Variants in RNF115 observed in about 807,000 individuals in gnomAD.
The protein encoded by RNF115 is ring finger protein 115.
Under a neutral mutation model 39.2 loss-of-function variants are expected in RNF115, and 31 were observed. That is an observed-to-expected ratio of 0.79 (90% CI 0.59 to 1.07). The LOEUF is 1.07. Ranked by LOEUF, RNF115 falls within the 50% of genes least tolerant of loss-of-function variation. RNF115 has a pLI of 0.00. For synonymous variants in RNF115, 124 were observed against 131.0 expected, an observed-to-expected ratio of 0.95 and a Z score of 0.37; for missense variants, 384 against 381.7, an observed-to-expected ratio of 1.01 and a Z score of -0.05.
At chr1:145,766,968 C>T (rs1162183647) in intron 4 of RNF115, among the ~76,000 whole-genome samples, 2 of 136,656 alleles carry the variant, frequency 1.5e-5, no homozygotes, top group Non-Finnish European at 3.1e-5. Context: ...CCCTCCCGGT[C>T]GGGGTGGCTG....
chr1:145,776,614 G>C, intron 3 of RNF115, among the ~76,000 whole-genome samples: 1 of 152,006 alleles, frequency 6.6e-6, no homozygotes, highest in Non-Finnish European at 1.5e-5. Flanking sequence ...TGAGGCGGGT[G>C]GATCACCTGA....
chr1:145,800,330 C>T (rs190587945), intron 1 of RNF115, among the ~76,000 whole-genome samples: 9 of 152,160 alleles, frequency 5.9e-5, no homozygotes, highest in Admixed American at 5.9e-4. Flanking sequence ...ATTTTACAAA[C>T]AAGAAAATGA....
intron 1 of RNF115, among the ~76,000 whole-genome samples, chr1:145,797,775 T>C (rs1649048030): frequency 6.6e-6 from 1 of 152,194 alleles, no homozygotes; most frequent in South Asian, 2.1e-4. Flanking sequence ...ACAAGAATAG[T>C]TCCAATTTCT....
chr1:145,750,355 G>T, intron 7 of RNF115, 52 bp downstream of exon 7: 4 of 1,390,428 alleles, frequency 2.9e-6, no homozygotes, highest in Admixed American at 3.5e-5. Flanking sequence ...AAGATACCGG[G>T]ATTTTGAACC....
Position 145,747,991 on chromosome 1 carries a change from T to C in RNF115, c.783+4A>G, listed in dbSNP as rs1442716245. 7.5e-6 allele frequency: 12 copies of C among 1,596,768 alleles called. No homozygotes were observed. Among genetic ancestry groups the C allele is most frequent in the Non-Finnish European group, 1.0e-5 (12 of 1,164,372 alleles). ...CCAAAGAAGCCATGACTTGCTGTAC[T>C]CACCAGTTCTAGCCACGGCACAATA... On this transcript the variant is annotated splice_donor_region_variant and intron_variant, in intron 8 of 8. Coordinates refer to ENST00000582693, the MANE Select transcript of RNF115 (RefSeq NM_014455.4).
intron 3 of RNF115, among the ~76,000 whole-genome samples, chr1:145,780,112 A>C (rs1411818650): frequency 6.6e-6 from 1 of 151,848 alleles, no homozygotes; most frequent in Non-Finnish European, 1.5e-5. Flanking sequence ...CCTGTAATCC[A>C]AGCTACTCGG....
intron 7 of RNF115, among the ~76,000 whole-genome samples, chr1:145,748,816 G>A (rs1161781668): frequency 6.6e-6 from 1 of 151,664 alleles, no homozygotes; most frequent in Non-Finnish European, 1.5e-5. Flanking sequence ...CCCGGGAGGC[G>A]GAGGTTGCAG....
intron 4 of RNF115, among the ~76,000 whole-genome samples, chr1:145,754,313 ACT>A (rs1464677960): frequency 4.0e-5 from 6 of 151,276 alleles, no homozygotes; most frequent in Non-Finnish European, 8.8e-5. Context: ...CTTAAAATCT[ACT>A]CTCTCAGCAA....
chr1:145,816,598 C>T (rs1432304499), intron 1 of RNF115, among the ~76,000 whole-genome samples: 2 of 109,692 alleles, frequency 1.8e-5, no homozygotes, highest in Admixed American at 9.9e-5. Context: ...ACAATTATGG[C>T]TCTGAAGCAG....
At chr1:145,778,980 T>C (rs1559116909) in intron 3 of RNF115, among the ~76,000 whole-genome samples, 1 of 152,194 alleles carries the variant, frequency 6.6e-6, no homozygotes, top group Non-Finnish European at 1.5e-5. Context: ...CAGTTCAACT[T>C]TGTGTTCCAA....
In RNF115 at chr1:145,746,605, G is replaced by C; in HGVS notation, c.*261C>G. 2 of 372,498 alleles carry C rather than the reference G, an allele frequency of 5.4e-6. No individual in the cohort carries two copies. The highest frequency in any genetic ancestry group is 8.4e-5 in the South Asian group (2 of 23,864). 23.1% of individuals were successfully genotyped at this position (372,498 alleles called of 1,614,324 possible). On this transcript the variant is annotated 3_prime_UTR_variant, in exon 9 of 9. Transcript: ENST00000582693. Reference sequence around the variant, plus strand: ...TTTAAGGAATTAATTCTATTCAGACGGGGGGAGCCCTACATAATTAAGTTT... The same window carrying C: ...TTTAAGGAATTAATTCTATTCAGACCGGGGGAGCCCTACATAATTAAGTTT...
At chr1:145,798,991 T>A (rs1311123669) in intron 1 of RNF115, among the ~76,000 whole-genome samples, 8 of 152,128 alleles carry the variant, frequency 5.3e-5, no homozygotes, top group African/African-American at 1.4e-4. Flanking sequence ...CTAATTTTTG[T>A]GTGTTGATTT....
intron 3 of RNF115, chr1:145,773,209 T>G (rs986741837): frequency 5.3e-5 from 8 of 152,226 alleles, no homozygotes; most frequent in African/African-American, 1.9e-4. Context: ...TAGTGCTTCC[T>G]CGGGGTAGTT....
In RNF115 at chr1:145,748,060, C is replaced by T. The variant is rs782599538; in HGVS notation, c.718G>A (p.Glu240Lys). 6.2e-7 allele frequency: 1 copy of T among 1,613,856 alleles called. No homozygotes were observed. Among genetic ancestry groups the T allele is most frequent in the South Asian group, 1.1e-5 (1 of 91,070 alleles). ...TGATTGCAAGGTAACTGCCGGACTT[C>T]CTCTTCAACTGTGTAATCTTCTTTG... is the stretch of plus-strand genomic sequence containing the variant. ...VCKEDYTVEEEVRQLPCNHFF... is the reference protein window; with the variant it reads ...VCKEDYTVEEKVRQLPCNHFF... The change falls in exon 8 of 9, where the codon GAA becomes AAA. Residue 240 changes from glutamate (E) to lysine (K), a missense_variant. Transcript: ENST00000582693.
chr1:145,816,626 G>A (rs1232225182), intron 1 of RNF115, among the ~76,000 whole-genome samples: 7 of 135,200 alleles, frequency 5.2e-5, no homozygotes, highest in African/African-American at 1.5e-4. Flanking sequence ...CATTGAATGG[G>A]TGAAGAAACC....
Position 145,771,735 on chromosome 1 carries a change from G to C in RNF115, c.404C>G (p.Pro135Arg). Reference sequence around the variant, plus strand: ...CCCTTCAATAGCTGGAGATCTGTCAGGACGAGAACTTCCTCGAGATCTGTA... The same window carrying C: ...CCCTTCAATAGCTGGAGATCTGTCACGACGAGAACTTCCTCGAGATCTGTA... ...RRYRSRGSSR[P>R]DRSPAIEGIL... The change falls in exon 4 of 9, where the codon CCT becomes CGT. Residue 135 changes from proline (P) to arginine (R), a missense_variant. By Grantham distance (103) the Pro-to-Arg change is moderately radical (BLOSUM62 -2). Coordinates refer to ENST00000582693, the MANE Select transcript of RNF115 (RefSeq NM_014455.4). 6.2e-7 allele frequency: 1 copy of C among 1,614,080 alleles called. No individual in the cohort carries two copies. The highest frequency in any genetic ancestry group is 8.5e-7 in the Non-Finnish European group (1 of 1,179,952).
chr1:145,789,012 CTACGTGG>C (rs1553718555), intron 1 of RNF115, 46 bp from the exon 2 acceptor site: 1 of 1,207,934 alleles, frequency 8.3e-7, no homozygotes, highest in African/African-American at 1.5e-5. Context: ...CATTAGAAAG[CTACGTGG>C]TATCTGTAGT....
intron 1 of RNF115, among the ~76,000 whole-genome samples, chr1:145,789,700 C>CTTTTTTTT (rs67276251): frequency 1.2e-5 from 1 of 86,766 alleles, no homozygotes; most frequent in Non-Finnish European, 2.1e-5. Context: ...ACCCGGACTT[C>CTTTTTTTT]TTTTTTTTTT....
At chr1:145,809,488 A>ATGTTTTTTTTT in intron 1 of RNF115, among the ~76,000 whole-genome samples, 1 of 46,344 alleles carries the variant, frequency 2.2e-5, no homozygotes, top group Non-Finnish European at 3.6e-5. Context: ...GACCCAGCTA[A>ATGTTTTTTTTT]TTTTTTTTTT....
Sources: gnomAD v4.1 joint callset for allele counts (sites outside exome capture counted in the v4.1 genomes callset) on GRCh38, gnomAD v4.1.1 for gene constraint, MANE v1.5 for transcripts, NCBI Gene and HGNC (gene_info 2026-07-23, HGNC 2026-07-21) for gene names.